SPRED2: variants seen among roughly 807,000 people sequenced by gnomAD.
The protein encoded by SPRED2 is sprouty related EVH1 domain containing 2, also known as sprouty-related, EVH1 domain-containing protein 2.
In SPRED2, 47 loss-of-function variants were observed where a neutral mutation model predicts 43.0. The ratio of observed to expected loss-of-function variants is 1.09; its 90% CI spans 0.87 to 1.40. The LOEUF is 1.40. SPRED2 is among the 40% of genes most tolerant of loss of function. The pLI is 0.00. For missense variants in SPRED2, 561 were observed against 586.4 expected (o/e 0.96, Z 0.45); for synonymous variants, 225 against 225.7 (o/e 1.00, Z 0.03).
chr2:65,388,487 C>T (rs1372781487), intron 1 of SPRED2, among the ~76,000 whole-genome samples: 2 of 152,130 alleles, frequency 1.3e-5, no homozygotes, highest in East Asian at 1.9e-4. Context: ...CATGGGCTTA[C>T]GGCTCCATTT....
chr2:65,412,601 T>C (rs535145546), intron 1 of SPRED2, among the ~76,000 whole-genome samples: 2 of 152,344 alleles, frequency 1.3e-5, no homozygotes, highest in South Asian at 2.1e-4. Flanking sequence ...GTTGTTCCTA[T>C]AGACTGGATC....
chr2:65,314,760 T>C (rs1394646962), intron 5 of SPRED2, among the ~76,000 whole-genome samples: 1 of 152,262 alleles, frequency 6.6e-6, no homozygotes, highest in African/African-American at 2.4e-5. Context: ...TATCCATATG[T>C]GCACAATATG....
chr2:65,334,872 C>G, intron 2 of SPRED2, 99 bp from the exon 3 acceptor site: 1 of 1,222,118 alleles, frequency 8.2e-7, no homozygotes, highest in Non-Finnish European at 1.2e-6. Context: ...TGGCAACTAC[C>G]AAAACCCCTC....
chr2:65,354,046 C>T (rs1294202159), intron 1 of SPRED2, among the ~76,000 whole-genome samples: 1 of 152,188 alleles, frequency 6.6e-6, no homozygotes, highest in African/African-American at 2.4e-5. Context: ...GAAGCAAAGA[C>T]ACAAAGGAAC....
At chr2:65,414,999 T>C (rs994757506) in intron 1 of SPRED2, among the ~76,000 whole-genome samples, 1 of 152,226 alleles carries the variant, frequency 6.6e-6, no homozygotes, top group African/African-American at 2.4e-5. Flanking sequence ...AGTCTTGCTA[T>C]GTTGCCCAGG....
chr2:65,381,200 C>G (rs1675365817), intron 1 of SPRED2, among the ~76,000 whole-genome samples: 1 of 152,234 alleles, frequency 6.6e-6, no homozygotes, highest in Non-Finnish European at 1.5e-5. Context: ...TGCTCCTCAA[C>G]TCGTAGCTCA....
intron 4 of SPRED2, among the ~76,000 whole-genome samples, chr2:65,326,790 C>G (rs1483327944): frequency 6.6e-6 from 1 of 152,142 alleles, no homozygotes; most frequent in Admixed American, 6.5e-5. Flanking sequence ...AGGCGTGAGC[C>G]ACCAGTCCAG....
chr2:65,401,081 C>T (rs1675874349), intron 1 of SPRED2, among the ~76,000 whole-genome samples: 1 of 152,090 alleles, frequency 6.6e-6, no homozygotes, highest in African/African-American at 2.4e-5. Context: ...GATTCTTCTG[C>T]CTCTACCTCC....
chr2:65,393,519 G>C (rs1876519), intron 1 of SPRED2, among the ~76,000 whole-genome samples: 1 of 151,944 alleles, frequency 6.6e-6, no homozygotes, highest in African/African-American at 2.4e-5. Flanking sequence ...GTTTTTAGTA[G>C]AGACAGGGTT....
intron 1 of SPRED2, among the ~76,000 whole-genome samples, chr2:65,363,147 G>A (rs994658941): frequency 3.4e-5 from 5 of 148,816 alleles, no homozygotes; most frequent in Non-Finnish European, 7.4e-5. Context: ...GCTGAGGCAG[G>A]AGAATCACTT....
intron 1 of SPRED2, among the ~76,000 whole-genome samples, chr2:65,370,612 C>T (rs1371999283): frequency 1.3e-5 from 2 of 152,204 alleles, no homozygotes; most frequent in Non-Finnish European, 2.9e-5. Flanking sequence ...CCTTATTCTC[C>T]TCAATGTCCC....
chr2:65,354,552 G>GAA (rs11341778), intron 1 of SPRED2, among the ~76,000 whole-genome samples: 1 of 142,522 alleles, frequency 7.0e-6, no homozygotes. Context: ...GTGCTCTCAT[G>GAA]AAAAAAAAAA....
At chr2:65,396,051 T>G (rs1282683105) in intron 1 of SPRED2, among the ~76,000 whole-genome samples, 1 of 152,234 alleles carries the variant, frequency 6.6e-6, no homozygotes, top group East Asian at 1.9e-4. Flanking sequence ...TTATGAGCCT[T>G]CTCGGGCAAG....
chr2:65,413,728 G>C (rs574219018), intron 1 of SPRED2, among the ~76,000 whole-genome samples: 1 of 152,292 alleles, frequency 6.6e-6, no homozygotes, highest in East Asian at 1.9e-4. Flanking sequence ...CATATTTTCT[G>C]ATCCTGTGTT....
chr2:65,367,819 G>A (rs1675018823), intron 1 of SPRED2, among the ~76,000 whole-genome samples: 1 of 152,190 alleles, frequency 6.6e-6, no homozygotes, highest in South Asian at 2.1e-4. Context: ...CTCCATGAGA[G>A]GTTATGTAAG....
At chr2:65,419,864 C>G (rs1193197923) in intron 1 of SPRED2, among the ~76,000 whole-genome samples, 1 of 152,124 alleles carries the variant, frequency 6.6e-6, no homozygotes, top group Non-Finnish European at 1.5e-5. Flanking sequence ...GATGAGATAT[C>G]TAAATGCTGG....
chr2:65,376,457 A>T, intron 1 of SPRED2, among the ~76,000 whole-genome samples: 1 of 152,154 alleles, frequency 6.6e-6, no homozygotes, highest in African/African-American at 2.4e-5. Flanking sequence ...TTTTAATTTT[A>T]TTAATTGTTC....
intron 1 of SPRED2, among the ~76,000 whole-genome samples, chr2:65,400,861 G>A (rs1675868883): frequency 6.6e-6 from 1 of 152,134 alleles, no homozygotes; most frequent in Admixed American, 6.5e-5. Context: ...AGCGTTCTCT[G>A]CTCTACTAAA....
rs781036500 is a variant in SPRED2, at chr2:65,344,781, G to A, written c.142C>T (p.His48Tyr). ...CCGCTTCGTCCATTGCCTTCGGGGT[G>A]CATGACCTTACAGACCCCGACGCGA... ...ISRVGVCKVMHPEGNGRSGFL... is the reference protein window; with the variant it reads ...ISRVGVCKVMYPEGNGRSGFL... Residue 48 changes from histidine to tyrosine, a missense_variant, in exon 2 of 6, where the codon CAC becomes TAC. This residue lies in a region of SPRED2 where 305 missense variants were observed against 282.4 expected (regional missense o/e 1.08). Transcript: ENST00000356388. 1.9e-6 allele frequency: 3 copies of A among 1,614,006 alleles called. No homozygotes were observed. The highest frequency in any genetic ancestry group is 2.5e-6 in the Non-Finnish European group (3 of 1,180,004).
Sources: gnomAD v4.1 joint callset for allele counts (sites outside exome capture counted in the v4.1 genomes callset) on GRCh38, gnomAD v4.1.1 for gene constraint, gnomAD v4.1.1 regional missense constraint, MANE v1.5 for transcripts, NCBI Gene and HGNC (gene_info 2026-07-23, HGNC 2026-07-21) for gene names.